TSPEAR: variants seen among roughly 807,000 people sequenced by gnomAD.
TSPEAR encodes thrombospondin type laminin G domain and EAR repeats, also known as thrombospondin-type laminin G domain and EAR repeat-containing protein.
A neutral mutation model predicts 71.6 loss-of-function variants in TSPEAR; 69 were observed. That is an observed-to-expected ratio of 0.96 (90% CI 0.79 to 1.18). TSPEAR has a LOEUF of 1.18. Ranked by LOEUF, TSPEAR falls within the 50% of genes most tolerant of loss-of-function variation. TSPEAR has a pLI of 0.00. For missense variants in TSPEAR, 971 were observed against 894.9 expected, an observed-to-expected ratio of 1.09 and a Z score of -1.09; for synonymous variants, 402 against 387.2, an observed-to-expected ratio of 1.04 and a Z score of -0.45.
chr21:44,508,931 T>TGTGATGCTCGGATG, intron 10 of TSPEAR: 1 of 1,523,584 alleles, frequency 6.6e-7, no homozygotes, highest in Non-Finnish European at 8.9e-7. Context: ...TGAAAGGAGG[T>TGTGATGCTCGGATG]AATGGGTGTG....
intron 1 of TSPEAR, among the ~76,000 whole-genome samples, chr21:44,704,072 G>T (rs1304427381): frequency 6.6e-6 from 1 of 152,186 alleles, no homozygotes; most frequent in African/African-American, 2.4e-5. Context: ...CCTCAATTGG[G>T]CCAGCTTTTC....
chr21:44,595,687 T>G (rs1240858079), intron 1 of TSPEAR, among the ~76,000 whole-genome samples: 1 of 152,210 alleles, frequency 6.6e-6, no homozygotes, highest in East Asian at 1.9e-4. Context: ...CAAGGACACC[T>G]GTTTACCATA....
At chr21:44,702,220 T>C in intron 1 of TSPEAR, 2 of 1,592,684 alleles carry the variant, frequency 1.3e-6, no homozygotes, top group Admixed American at 3.4e-5. Flanking sequence ...GGGGCCTCCC[T>C]GAGCCAGTGC....
In TSPEAR at chr21:44,710,077, C is replaced by T. The variant is rs1282515076; in HGVS notation, c.82+1356G>A. Among the ~76,000 whole-genome samples the T allele has an allele frequency of 6.6e-6, 1 of 152,204 alleles. No individual in the cohort carries two copies. Among genetic ancestry groups the T allele is most frequent in the Non-Finnish European group, 1.5e-5 (1 of 68,040 alleles). On this transcript the variant is annotated intron_variant, in intron 1 of 11. Coordinates refer to ENST00000323084, the MANE Select transcript of TSPEAR (RefSeq NM_144991.3). The surrounding 1 kb of genome is among the most constrained non-coding windows in gnomAD (Gnocchi z 4.6). ...AATACATGTCTGTGACTCATGCCCC[C>T]CCACCCCCACTCCAGGGTGTGCTGA...
At chr21:44,504,903 T>TATTAGG (rs782742114) in intron 10 of TSPEAR, 22 bp from the exon 11 acceptor site, 3 of 1,577,222 alleles carry the variant, frequency 1.9e-6, no homozygotes, top group Non-Finnish European at 2.6e-6. Flanking sequence ...AGTGGGTGGA[T>TATTAGG]ATTAGGACAC....
intron 1 of TSPEAR, chr21:44,574,803 T>A (rs782006974): frequency 6.2e-7 from 1 of 1,614,112 alleles, no homozygotes; most frequent in Non-Finnish European, 8.5e-7. Context: ...CCAGCCAGCT[T>A]GCTGCACCAC....
chr21:44,647,065 T>G, intron 1 of TSPEAR: 1 of 1,613,824 alleles, frequency 6.2e-7, no homozygotes, highest in Non-Finnish European at 8.5e-7. Flanking sequence ...CAAGCCCATC[T>G]GCTGTGTGCC....
rs782362904 is a variant in TSPEAR at position 44,612,877 on chromosome 21, C to T, written c.83-44872G>A. Reference sequence around the variant, plus strand: ...GCCCCGCGTGCTCCCGCCTGGCCTGCTGAGGCCTCTGCTCAGGCCAGGAGT... The same window carrying T: ...GCCCCGCGTGCTCCCGCCTGGCCTGTTGAGGCCTCTGCTCAGGCCAGGAGT... On this transcript the variant is annotated intron_variant, in intron 1 of 11. Transcript: ENST00000323084. This position sits in a 1 kb window ranked among gnomAD's most constrained non-coding sequence, Gnocchi z 4.1. 3.7e-6 allele frequency: 6 copies of T among 1,611,062 alleles called. No homozygotes were observed. In the East Asian group the frequency reaches 6.7e-5, roughly 18 times the overall value.
chr21:44,503,437 A>T (rs1485115664), intron 11 of TSPEAR, among the ~76,000 whole-genome samples: 8 of 130,018 alleles, frequency 6.2e-5, no homozygotes, highest in Non-Finnish European at 1.1e-4. Context: ...CTCGGGGGGA[A>T]GCAAGGCTCT....
At chr21:44,548,384 T>C (rs1555918013) in intron 2 of TSPEAR, among the ~76,000 whole-genome samples, 1 of 152,214 alleles carries the variant, frequency 6.6e-6, no homozygotes, top group Non-Finnish European at 1.5e-5. Flanking sequence ...CCTTGACTGC[T>C]GCAAACCTTC....
intron 1 of TSPEAR, among the ~76,000 whole-genome samples, chr21:44,640,977 C>T (rs1983989395): frequency 6.6e-6 from 1 of 152,096 alleles, no homozygotes; most frequent in Admixed American, 6.5e-5. Flanking sequence ...AGGAAGAGGC[C>T]ACGCCCCAGG....
At chr21:44,537,794 C>T (rs1569172173) in intron 2 of TSPEAR, among the ~76,000 whole-genome samples, 1 of 152,082 alleles carries the variant, frequency 6.6e-6, no homozygotes, top group South Asian at 2.1e-4. Flanking sequence ...GATCCCCAGC[C>T]CTAAATCCAC....
chr21:44,579,630 T>C (rs1978734560), intron 1 of TSPEAR: 2 of 1,116,622 alleles, frequency 1.8e-6, no homozygotes, highest in Non-Finnish European at 2.5e-6. Context: ...TTCCTGGGAG[T>C]ATGGAGGGGG....
chr21:44,529,751 C>A (rs782808600), intron 5 of TSPEAR, 47 bp downstream of exon 5: 1 of 1,607,916 alleles, frequency 6.2e-7, no homozygotes, highest in South Asian at 1.1e-5. Flanking sequence ...GAGGCCAGGG[C>A]TCTCGCATCT....
chr21:44,626,632 A>G (rs1405291922), intron 1 of TSPEAR, among the ~76,000 whole-genome samples: 1 of 152,192 alleles, frequency 6.6e-6, no homozygotes, highest in Admixed American at 6.5e-5. Context: ...CACAGAGGCC[A>G]TGGGGATTAG....
At chr21:44,580,596 G>A (rs587649988) in intron 1 of TSPEAR, 13 of 1,597,442 alleles carry the variant, frequency 8.1e-6, no homozygotes, top group South Asian at 4.6e-5. Context: ...TGGGGAAGAC[G>A]TGAGCTGGGA....
At chr21:44,594,314 C>A (rs188343993) in intron 1 of TSPEAR, among the ~76,000 whole-genome samples, 2 of 152,262 alleles carry the variant, frequency 1.3e-5, no homozygotes, top group East Asian at 1.9e-4. Context: ...CAAGATGTAA[C>A]CTTATAAGGG....
chr21:44,701,456 C>A (rs1987643785), intron 1 of TSPEAR, among the ~76,000 whole-genome samples: 2 of 152,194 alleles, frequency 1.3e-5, no homozygotes, highest in Admixed American at 6.5e-5. Flanking sequence ...TTATTGTGCA[C>A]TGTCTTTCCA....
At chr21:44,615,548 G>A (rs992467961) in intron 1 of TSPEAR, among the ~76,000 whole-genome samples, 4 of 45,138 alleles carry the variant, frequency 8.9e-5, no homozygotes, top group African/African-American at 2.3e-4. Context: ...CATAACCAAA[G>A]GTTTTTTTTT....
Sources: allele counts gnomAD v4.1 joint callset (sites outside exome capture counted in the v4.1 genomes callset), GRCh38; gene constraint gnomAD v4.1.1; non-coding constraint Gnocchi (gnomAD v3.1); transcripts MANE v1.5; gene names NCBI Gene and HGNC (gene_info 2026-07-23, HGNC 2026-07-21).